Variants in CTTNBP2NL observed in about 807,000 individuals in gnomAD.
The protein encoded by CTTNBP2NL is CTTNBP2 N-terminal-like protein.
Under a neutral mutation model 32.5 loss-of-function variants are expected in CTTNBP2NL, and 16 were observed. That is an observed-to-expected ratio of 0.49 (90% CI 0.33 to 0.75). The LOEUF (loss-of-function observed/expected upper bound fraction) is 0.75. Among genes scored for constraint, CTTNBP2NL ranks in the 30% least tolerant of loss-of-function variants. CTTNBP2NL has a pLI of 0.02. For missense variants in CTTNBP2NL, 645 were observed against 756.0 expected, an observed-to-expected ratio of 0.85 and a Z score of 1.72; for synonymous variants, 298 against 289.4, an observed-to-expected ratio of 1.03 and a Z score of -0.30.
intron 1 of CTTNBP2NL, among the ~76,000 whole-genome samples, chr1:112,400,966 CAAAAAAAAAA>C (rs56784970): frequency 9.7e-6 from 1 of 102,874 alleles, no homozygotes; most frequent in African/African-American, 3.9e-5. Flanking sequence ...ACTCTGTCAC[CAAAAAAAAAA>C]AAAAAAAAAA....
rs548282811 is a variant in CTTNBP2NL, at chr1:112,408,639, A to G, written c.-133-3555A>G. The stretch of plus-strand genomic sequence containing the variant: ...TTAAAATAGCAGTGCATTTCTGTTC[A>G]TATTCAGATTTAGTATTTGTAAATG... On this transcript the variant is annotated intron_variant, in intron 1 of 5. Transcript: ENST00000271277. 1.0e-3 allele frequency among the ~76,000 whole-genome samples: 159 copies of G among 152,076 alleles called. 1 individual carries two copies. The highest frequency in any genetic ancestry group is 1.8e-3 in the Non-Finnish European group (125 of 68,018).
Position 112,408,005 on chromosome 1 carries a change from C to A in CTTNBP2NL, c.-133-4189C>A, listed in dbSNP as rs1480699325. Among the ~76,000 whole-genome samples, 4 of 151,412 alleles carry A rather than the reference C, an allele frequency of 2.6e-5. No individual in the cohort carries two copies. In the East Asian group the frequency reaches 5.8e-4, roughly 22 times the overall value. On this transcript the variant is annotated intron_variant, in intron 1 of 5. Transcript: ENST00000271277. ...GACTACAGGCACACATGCCACCATG[C>A]CTGGCTAATTTTTGCATTTTTTGTA...
Position 112,416,245 on chromosome 1 carries a change from T to A in CTTNBP2NL, c.80T>A (p.Leu27His). The A allele has an allele frequency of 6.3e-7, 1 of 1,585,670 alleles. No individual in the cohort carries two copies. Among genetic ancestry groups the A allele is most frequent in the Non-Finnish European group, 8.6e-7 (1 of 1,160,084 alleles). The change falls in exon 3 of 6, where the codon CTT (leucine) becomes CAT (histidine). Residue 27 changes from leucine (L) to histidine (H), a missense_variant. Physicochemically the swap from Leu to His is moderately conservative, Grantham distance 99. Transcript: ENST00000271277. ...ILEGELEARD[L>H]VIEALKAQHR... ...GAAGGAGAGCTTGAAGCAAGGGACC[T>A]TGTTATAGAAGCCTTAAAGGTATGT...
chr1:112,412,827 C>T (rs192469312), intron 2 of CTTNBP2NL, among the ~76,000 whole-genome samples: 1 of 152,098 alleles, frequency 6.6e-6, no homozygotes, highest in African/African-American at 2.4e-5. Context: ...CCATGTTGGC[C>T]AGGCTGGTCT....
At position 112,416,146 on chromosome 1, in the gene CTTNBP2NL, C is replaced by A; in HGVS notation, c.-9-11C>A. Reference sequence around the variant, plus strand: ...TCTTTGGAGATTGTCTGATTGTTACCTTTGTTTCAGGCTTTCAAGATGAAT... The same window carrying A: ...TCTTTGGAGATTGTCTGATTGTTACATTTGTTTCAGGCTTTCAAGATGAAT... On this transcript the variant is annotated splice_polypyrimidine_tract_variant and intron_variant, in intron 2 of 5. Transcript: ENST00000271277. 1 of 1,368,628 alleles carries A rather than the reference C, an allele frequency of 7.3e-7. No individual in the cohort carries two copies. Among genetic ancestry groups the A allele is most frequent in the Non-Finnish European group, 1.0e-6 (1 of 968,230 alleles). The allele number at this position is 1,368,628 out of a possible 1,614,324, so 84.8% of individuals were successfully genotyped here.
intron 4 of CTTNBP2NL, among the ~76,000 whole-genome samples, chr1:112,453,523 G>T (rs776463511): frequency 6.6e-6 from 1 of 152,012 alleles, no homozygotes; most frequent in East Asian, 1.9e-4. Context: ...AGGCTGAGGC[G>T]GGTGGATCAC....
At chr1:112,441,876 G>A (rs1649900312) in intron 3 of CTTNBP2NL, among the ~76,000 whole-genome samples, 1 of 152,044 alleles carries the variant, frequency 6.6e-6, no homozygotes, top group African/African-American at 2.4e-5. Flanking sequence ...TTTTGTATAT[G>A]GTATAAGGTA....
intron 3 of CTTNBP2NL, among the ~76,000 whole-genome samples, chr1:112,436,625 C>T (rs1050717067): frequency 2.0e-5 from 3 of 151,096 alleles, no homozygotes; most frequent in African/African-American, 4.9e-5. Flanking sequence ...ATTATAGGCA[C>T]GAGCCACTGT....
chr1:112,410,357 C>T (rs1173289653), intron 1 of CTTNBP2NL, among the ~76,000 whole-genome samples: 2 of 150,406 alleles, frequency 1.3e-5, no homozygotes, highest in African/African-American at 4.9e-5. Flanking sequence ...TGCCATTGCA[C>T]TCCAGCCTGG....
At chr1:112,399,704 A>G (rs1332478330) in intron 1 of CTTNBP2NL, among the ~76,000 whole-genome samples, 1 of 152,094 alleles carries the variant, frequency 6.6e-6, no homozygotes, top group Non-Finnish European at 1.5e-5. Context: ...TCTAGAGGAA[A>G]TTTGTTCAGT....
chr1:112,407,226 A>G (rs1433488853), intron 1 of CTTNBP2NL, among the ~76,000 whole-genome samples: 3 of 152,354 alleles, frequency 2.0e-5, no homozygotes, highest in East Asian at 1.9e-4. Flanking sequence ...CTACAATTCA[A>G]TTAGATCCAG....
At chr1:112,454,667 A>G in intron 5 of CTTNBP2NL, 111 bp downstream of exon 5, 1 of 815,574 alleles carries the variant, frequency 1.2e-6, no homozygotes. Flanking sequence ...TTGTGGTCAA[A>G]TAAGTTTAGG....
At chr1:112,421,616 C>CAAA (rs34720155) in intron 3 of CTTNBP2NL, among the ~76,000 whole-genome samples, 1 of 71,000 alleles carries the variant, frequency 1.4e-5, no homozygotes, top group Non-Finnish European at 3.6e-5. Flanking sequence ...CCCATTTCTA[C>CAAA]AAAAAAAAAA....
At chr1:112,438,093 A>C (rs954160782) in intron 3 of CTTNBP2NL, among the ~76,000 whole-genome samples, 1 of 152,122 alleles carries the variant, frequency 6.6e-6, no homozygotes, top group Non-Finnish European at 1.5e-5. Flanking sequence ...TGGGTTTTAC[A>C]TTTAAGTCTG....
chr1:112,434,700 C>T (rs1444266892), intron 3 of CTTNBP2NL, among the ~76,000 whole-genome samples: 2 of 152,194 alleles, frequency 1.3e-5, no homozygotes, highest in African/African-American at 4.8e-5. Flanking sequence ...GGAACCCAGT[C>T]TCATTTCCTG....
At chr1:112,395,712 ACAGGCGCTTC>A (rs1269633648), upstream of CTTNBP2NL, among the ~76,000 whole-genome samples, 1 of 147,946 alleles carries the variant, frequency 6.8e-6, no homozygotes, top group African/African-American at 2.6e-5. Context: ...CACCACGCCC[ACAGGCGCTTC>A]CAGAAAAAAG....
intron 1 of CTTNBP2NL, among the ~76,000 whole-genome samples, chr1:112,397,859 C>A (rs1351284963): frequency 6.6e-6 from 1 of 152,162 alleles, no homozygotes; most frequent in Non-Finnish European, 1.5e-5. Flanking sequence ...TTGTCTTTTA[C>A]CTTCTTGATT....
chr1:112,433,748 A>G (rs749013221), intron 3 of CTTNBP2NL, among the ~76,000 whole-genome samples: 90 of 152,184 alleles, frequency 5.9e-4, no homozygotes, highest in Non-Finnish European at 1.0e-3. Flanking sequence ...ATTTGCATAA[A>G]TGGCATTGTG....
intron 3 of CTTNBP2NL, among the ~76,000 whole-genome samples, chr1:112,447,440 A>T (rs1323474679): frequency 6.6e-6 from 1 of 152,156 alleles, no homozygotes; most frequent in Non-Finnish European, 1.5e-5. Flanking sequence ...CCAGTATACA[A>T]ATAACATCCA....
Sources: allele counts gnomAD v4.1 joint callset (sites outside exome capture counted in the v4.1 genomes callset), GRCh38; gene constraint gnomAD v4.1.1; transcripts MANE v1.5; gene names NCBI Gene and HGNC (gene_info 2026-07-23, HGNC 2026-07-21).